POF1B: variants seen among roughly 807,000 people sequenced by gnomAD.
POF1B encodes POF1B actin binding protein.
A neutral mutation model predicts 55.3 loss-of-function variants in POF1B; 53 were observed. That is an observed-to-expected ratio of 0.96 (90% confidence interval 0.77 to 1.20). POF1B has a LOEUF of 1.20. Ranked by LOEUF, POF1B falls within the 50% of genes most tolerant of loss-of-function variation. POF1B has a pLI of 0.00. For missense variants in POF1B, 478 were observed against 420.5 expected (o/e 1.14, Z -1.20); for synonymous variants, 188 against 148.3 (o/e 1.27, Z -1.95).
At chrX:85,293,980 A>T (rs761851110) in intron 15 of POF1B, among the ~76,000 whole-genome samples, 75 of 110,299 alleles carry the variant, frequency 6.8e-4, no homozygotes, top group East Asian at 2.6e-3. Flanking sequence ...TCAAAAAAAA[A>T]AAATAAATAA....
At chrX:85,330,318 A>G (rs1175286469) in intron 7 of POF1B, among the ~76,000 whole-genome samples, 2 of 111,191 alleles carry the variant, frequency 1.8e-5, no homozygotes, top group Admixed American at 1.9e-4. Context: ...AATTTAATGT[A>G]ATAGATAATA....
At chrX:85,329,292 T>G (rs1422474074) in intron 7 of POF1B, among the ~76,000 whole-genome samples, 7 of 111,682 alleles carry the variant, frequency 6.3e-5, no homozygotes, top group Non-Finnish European at 1.3e-4. Flanking sequence ...ATGAAATAGT[T>G]GTTTGGGTAA....
intron 7 of POF1B, among the ~76,000 whole-genome samples, chrX:85,316,879 C>T (rs1378330131): frequency 9.1e-6 from 1 of 110,478 alleles, no homozygotes; most frequent in East Asian, 2.9e-4. Context: ...TCCTCCCACC[C>T]TCCACCCTCA....
chrX:85,279,076 T>C lies in POF1B; in HGVS notation c.*345A>G, dbSNP rs1931840478. 1 of 165,465 alleles carries C rather than the reference T, an allele frequency of 6.0e-6. No homozygotes were observed. The allele number at this position is 165,465 out of a possible 1,213,427, so 13.6% of individuals were successfully genotyped here. On this transcript the variant is annotated 3_prime_UTR_variant, in exon 17 of 17. Transcript: ENST00000262753. ...TTCTAATGGCATGACTTGTAAAATC[T>C]CTACCCCAACAAATTAGTTTGATAT...
At chrX:85,292,659 G>A (rs1932217378) in intron 15 of POF1B, among the ~76,000 whole-genome samples, 1 of 111,057 alleles carries the variant, frequency 9.0e-6, no homozygotes, top group African/African-American at 3.3e-5. Context: ...TTTCTTCCTG[G>A]TTCACTCTTG....
intron 6 of POF1B, among the ~76,000 whole-genome samples, chrX:85,333,027 T>A (rs1164032578): frequency 9.0e-6 from 1 of 111,456 alleles, no homozygotes; most frequent in African/African-American, 3.2e-5. Flanking sequence ...TATTCATATG[T>A]CTATATCTAC....
intron 9 of POF1B, among the ~76,000 whole-genome samples, chrX:85,312,705 T>C (rs1932735033): frequency 8.9e-6 from 1 of 111,771 alleles, no homozygotes. Context: ...TTTCTAATTC[T>C]GTGAAGAAAG....
At chrX:85,330,440 A>G (rs766174336) in intron 7 of POF1B, among the ~76,000 whole-genome samples, 6 of 111,506 alleles carry the variant, frequency 5.4e-5, no homozygotes, top group Non-Finnish European at 1.1e-4. Flanking sequence ...TGGCAGTAGG[A>G]CGGTACCTAA....
intron 7 of POF1B, among the ~76,000 whole-genome samples, chrX:85,321,689 A>C (rs1316559938): frequency 3.0e-5 from 3 of 100,155 alleles, no homozygotes; most frequent in African/African-American, 4.1e-5. Context: ...TATATCTAGA[A>C]AACCCCACTG....
intron 6 of POF1B, among the ~76,000 whole-genome samples, chrX:85,338,974 A>T (rs902608084): frequency 9.0e-6 from 1 of 111,384 alleles, no homozygotes; most frequent in African/African-American, 3.3e-5. Context: ...TCCATACAAA[A>T]GTAGTAGCAA....
At chrX:85,348,247 A>G (rs1256204594) in intron 5 of POF1B, among the ~76,000 whole-genome samples, 1 of 110,950 alleles carries the variant, frequency 9.0e-6, no homozygotes, top group African/African-American at 3.3e-5. Context: ...TTCTTACACT[A>G]AAGTTCTTTT....
At chrX:85,377,479 A>G (rs1403453378) in intron 2 of POF1B, among the ~76,000 whole-genome samples, 1 of 111,330 alleles carries the variant, frequency 9.0e-6, no homozygotes, top group East Asian at 2.8e-4. Flanking sequence ...TTTTCCCTTT[A>G]CCACATAGCT....
chrX:85,318,216 C>T (rs762897867), intron 7 of POF1B, among the ~76,000 whole-genome samples: 1 of 111,447 alleles, frequency 9.0e-6, no homozygotes, highest in Non-Finnish European at 1.9e-5. Flanking sequence ...TAATCCCGAA[C>T]TTTAAAAAAA....
At chrX:85,324,661 C>A (rs763398811) in intron 7 of POF1B, among the ~76,000 whole-genome samples, 2 of 110,890 alleles carry the variant, frequency 1.8e-5, no homozygotes, top group Non-Finnish European at 3.8e-5. Flanking sequence ...CTTCTTTATC[C>A]AACTTGCCAC....
chrX:85,357,040 C>T (rs192456899), intron 4 of POF1B, among the ~76,000 whole-genome samples: 7 of 111,254 alleles, frequency 6.3e-5, no homozygotes, highest in Admixed American at 1.9e-4. Flanking sequence ...TACTACGTTG[C>T]TTACAAATAT....
intron 7 of POF1B, among the ~76,000 whole-genome samples, chrX:85,330,188 A>G (rs1932951846): frequency 9.1e-6 from 1 of 109,646 alleles, no homozygotes; most frequent in African/African-American, 3.3e-5. Context: ...ATGACAAAAT[A>G]TGGTCTCATC....
chrX:85,303,054 A>G (rs774578170), intron 15 of POF1B, among the ~76,000 whole-genome samples: 132 of 111,725 alleles, frequency 1.2e-3, no homozygotes, highest in African/African-American at 4.1e-3. Flanking sequence ...ACACAAATCC[A>G]TCTGGATACC....
intron 3 of POF1B, among the ~76,000 whole-genome samples, chrX:85,361,680 T>C: frequency 8.9e-6 from 1 of 111,920 alleles, no homozygotes; most frequent in South Asian, 3.7e-4. Flanking sequence ...ATGATTGCCT[T>C]GGCTATTTGG....
chrX:85,298,873 A>G (rs904106118), intron 15 of POF1B, among the ~76,000 whole-genome samples: 7 of 111,397 alleles, frequency 6.3e-5, no homozygotes, highest in African/African-American at 2.3e-4. Flanking sequence ...ATTTGAGGCC[A>G]GCCTGGGCAA....
Sources: gnomAD v4.1 joint callset for allele counts (sites outside exome capture counted in the v4.1 genomes callset) on GRCh38, gnomAD v4.1.1 for gene constraint, MANE v1.5 for transcripts, NCBI Gene and HGNC (gene_info 2026-07-23, HGNC 2026-07-21) for gene names.